ADAMTS17: variants seen among roughly 807,000 people sequenced by gnomAD.
ADAMTS17 encodes ADAM metallopeptidase with thrombospondin type 1 motif 17.
A neutral mutation model predicts 141.5 loss-of-function variants in ADAMTS17; 113 were observed. That is an observed-to-expected ratio of 0.80 (90% CI 0.69 to 0.93). ADAMTS17 has a LOEUF of 0.93. Among genes scored for constraint, ADAMTS17 ranks in the 40% least tolerant of loss-of-function variants. The pLI is 0.00. For missense variants in ADAMTS17, 1,659 were observed against 1,517.9 expected (o/e 1.09, Z -1.54); for synonymous variants, 768 against 630.6 (o/e 1.22, Z -3.27).
intron 13 of ADAMTS17, among the ~76,000 whole-genome samples, chr15:100,112,198 C>G (rs2141119174): frequency 6.6e-6 from 1 of 152,270 alleles, no homozygotes; most frequent in East Asian, 1.9e-4. Flanking sequence ...GCAGGAAGGC[C>G]AACCTCAGCT....
intron 10 of ADAMTS17, among the ~76,000 whole-genome samples, chr15:100,141,240 G>A (rs553892913): frequency 3.8e-4 from 58 of 152,298 alleles, no homozygotes; most frequent in African/African-American, 1.3e-3. Context: ...GTGAAAACGC[G>A]GGAAGGTTTG....
intron 7 of ADAMTS17, among the ~76,000 whole-genome samples, chr15:100,206,066 C>T (rs12915327): frequency 0.082 from 12,433 of 152,236 alleles, 650 homozygotes; most frequent in African/African-American, 0.14. Flanking sequence ...ACCGCTCTCT[C>T]GGCAAACTTT....
intron 3 of ADAMTS17, among the ~76,000 whole-genome samples, chr15:100,323,470 T>G (rs1365083095): frequency 6.6e-6 from 1 of 152,184 alleles, no homozygotes; most frequent in Non-Finnish European, 1.5e-5. Context: ...ATATGAAAAT[T>G]TGTATGCCCC....
At chr15:100,317,128 C>T (rs2045590022) in intron 3 of ADAMTS17, among the ~76,000 whole-genome samples, 1 of 151,902 alleles carries the variant, frequency 6.6e-6, no homozygotes, top group Admixed American at 6.5e-5. Flanking sequence ...CACCCGACAC[C>T]TCAAAAAAAA....
At chr15:100,205,951 G>A (rs1290868389) in intron 7 of ADAMTS17, among the ~76,000 whole-genome samples, 3 of 152,314 alleles carry the variant, frequency 2.0e-5, no homozygotes, top group East Asian at 1.9e-4. Flanking sequence ...AGTGGAGACT[G>A]GAGAGGAAGC....
Position 100,244,299 on chromosome 15 carries a change from G to A in ADAMTS17, c.1075+9837C>T, listed in dbSNP as rs74861743. The stretch of plus-strand genomic sequence containing the variant: ...TAGATGAGATTTGGGTGGGGACACA[G>A]CCAAACCGTATCAGTAAGTCACTCA... On this transcript the variant is annotated intron_variant, in intron 7 of 21. Transcript: ENST00000268070. Among the ~76,000 whole-genome samples, 639 of 149,522 alleles carry A rather than the reference G, an allele frequency of 4.3e-3. 6 individuals are homozygous for A. The highest frequency in any genetic ancestry group is 0.015 in the African/African-American group (615 of 40,736).
At position 100,083,935 on chromosome 15, in the gene ADAMTS17, T is replaced by A. The variant is rs375535207; in HGVS notation, c.2137+12421A>T. The stretch of plus-strand genomic sequence containing the variant: ...TGTGAGCGATGAAGAAGACGGGTGA[T>A]TTCTGCATTTCCAACTGAGGTACTA... On this transcript the variant is annotated intron_variant, in intron 15 of 21. Transcript: ENST00000268070. 4.6e-4 allele frequency among the ~76,000 whole-genome samples: 70 copies of A among 151,896 alleles called. 1 individual carries two copies. The South Asian group carries it at 0.014, about 30-fold the overall frequency.
At chr15:100,165,434 G>A (rs935372514) in intron 8 of ADAMTS17, among the ~76,000 whole-genome samples, 3 of 152,176 alleles carry the variant, frequency 2.0e-5, no homozygotes, top group African/African-American at 7.2e-5. Context: ...TGATAGGATG[G>A]TCCCAATATG....
intron 7 of ADAMTS17, among the ~76,000 whole-genome samples, chr15:100,218,992 G>A (rs2042052534): frequency 6.6e-6 from 1 of 152,192 alleles, no homozygotes; most frequent in Admixed American, 6.5e-5. Context: ...AACAAAAGGA[G>A]TGAAGTTCTG....
At chr15:100,206,785 T>C (rs541476868) in intron 7 of ADAMTS17, among the ~76,000 whole-genome samples, 1 of 152,190 alleles carries the variant, frequency 6.6e-6, no homozygotes, top group South Asian at 2.1e-4. Flanking sequence ...GAGATTCAAA[T>C]GCGACCTGGA....
chr15:100,188,950 T>C lies in ADAMTS17; in HGVS notation c.1181+10368A>G, dbSNP rs1033896951. ...TCTTTTGCTTTAACCCACCAAGTTA[T>C]ATATACCTGCAGCTGCAACACTGAG... On this transcript the variant is annotated intron_variant, in intron 8 of 21. Coordinates refer to ENST00000268070, the MANE Select transcript of ADAMTS17 (RefSeq NM_139057.4). 3.3e-5 allele frequency among the ~76,000 whole-genome samples: 5 copies of C among 152,348 alleles called. No homozygotes were observed. In the East Asian group the frequency reaches 7.7e-4, roughly 23 times the overall value.
intron 12 of ADAMTS17, among the ~76,000 whole-genome samples, chr15:100,121,418 GACAAAGAGAGA>G: frequency 6.6e-6 from 1 of 152,256 alleles, no homozygotes; most frequent in East Asian, 1.9e-4. Context: ...ACTGCCAAAA[GACAAAGAGAGA>G]ATCTTGAAAG....
At chr15:100,073,835 A>G (rs929553417) in intron 15 of ADAMTS17, among the ~76,000 whole-genome samples, 1 of 151,820 alleles carries the variant, frequency 6.6e-6, no homozygotes, top group Non-Finnish European at 1.5e-5. Context: ...TGATGGGTGC[A>G]GCACACCAAC....
intron 1 of ADAMTS17, 122 bp from the exon 2 acceptor site, chr15:100,341,531 C>T: frequency 1.1e-6 from 1 of 940,608 alleles, no homozygotes; most frequent in Admixed American, 5.8e-5. Flanking sequence ...GCCTTCCCTT[C>T]CCTCGCCCGG....
At chr15:100,160,933 T>C (rs1387621159) in intron 8 of ADAMTS17, among the ~76,000 whole-genome samples, 1 of 152,244 alleles carries the variant, frequency 6.6e-6, no homozygotes, top group African/African-American at 2.4e-5. Flanking sequence ...TTACTTTGAC[T>C]GAGAAACTCA....
chr15:100,187,629 A>T (rs928724025), intron 8 of ADAMTS17, among the ~76,000 whole-genome samples: 1 of 152,178 alleles, frequency 6.6e-6, no homozygotes, highest in Non-Finnish European at 1.5e-5. Context: ...GTAATAATAT[A>T]ACAAATGTGG....
chr15:100,117,770 T>A (rs2037229972), intron 12 of ADAMTS17, among the ~76,000 whole-genome samples: 1 of 152,142 alleles, frequency 6.6e-6, no homozygotes, highest in South Asian at 2.1e-4. Flanking sequence ...ACCTCAGTGG[T>A]TCCATTCGTT....
intron 7 of ADAMTS17, among the ~76,000 whole-genome samples, chr15:100,236,664 C>T (rs1426723920): frequency 6.6e-6 from 1 of 152,136 alleles, no homozygotes; most frequent in African/African-American, 2.4e-5. Context: ...GCTGTAAGAC[C>T]TTGTTTCTAC....
intron 19 of ADAMTS17, among the ~76,000 whole-genome samples, chr15:99,996,810 C>G (rs770633186): frequency 1.3e-5 from 2 of 151,854 alleles, no homozygotes; most frequent in African/African-American, 2.4e-5. Context: ...CAGTCAAAAT[C>G]ATTAACACAA....
Sources: allele counts gnomAD v4.1 joint callset (sites outside exome capture counted in the v4.1 genomes callset), GRCh38; gene constraint gnomAD v4.1.1; transcripts MANE v1.5; gene names NCBI Gene and HGNC (gene_info 2026-07-23, HGNC 2026-07-21).